Variants in IFI44 observed in about 807,000 individuals in gnomAD.
IFI44 encodes interferon induced protein 44.
Under a neutral mutation model 45.0 loss-of-function variants are expected in IFI44, and 42 were observed. The observed-to-expected ratio is 0.93, with a 90% confidence interval of 0.73 to 1.21. IFI44 has a LOEUF of 1.21. IFI44 is among the 50% of genes most tolerant of loss of function. IFI44 has a pLI of 0.00. For missense variants in IFI44, 623 were observed against 525.8 expected (o/e 1.18, Z -1.81); for synonymous variants, 221 against 188.6 (o/e 1.17, Z -1.41).
chr1:78,650,448 A>G lies in IFI44; in HGVS notation c.253A>G (p.Thr85Ala), dbSNP rs201689990. ...ASIILFALQD[T>A]KISEWKLGLC... is the part of the protein sequence containing the mutation. ...CATCATCCTTTTTGCACTTCAAGAT[A>G]CTAAAATTTCAGAATGGAAACTAGG... Residue 85 changes from threonine (T) to alanine (A), a missense_variant, in exon 2 of 9, where the codon ACT becomes GCT. By Grantham distance (58) the Thr-to-Ala change is moderately conservative (BLOSUM62 0). Coordinates refer to ENST00000370747, the MANE Select transcript of IFI44 (RefSeq NM_006417.5). 1.2e-6 allele frequency: 2 copies of G among 1,614,070 alleles called. No homozygotes were observed. The highest frequency in any genetic ancestry group is 1.7e-5 in the Admixed American group (1 of 60,026).
At chr1:78,655,621 C>T (rs897919218) in intron 5 of IFI44, 110 bp downstream of exon 5, 13 of 1,002,158 alleles carry the variant, frequency 1.3e-5, no homozygotes, top group Non-Finnish European at 1.8e-5. Flanking sequence ...TCCTTTGTCT[C>T]TTTTAGATTT....
chr1:78,654,936 A>C, intron 3 of IFI44, 78 bp from the exon 4 acceptor site: 2 of 1,117,076 alleles, frequency 1.8e-6, no homozygotes, highest in East Asian at 5.4e-5. Context: ...CTATGAAAAA[A>C]TGAATTCTCA....
chr1:78,663,828 C>T lies in IFI44; in HGVS notation c.*17C>T, dbSNP rs199896733. On this transcript the variant is annotated 3_prime_UTR_variant, in exon 9 of 9. Transcript: ENST00000370747. ...AAAAAATAGATATGTGAAAGGTTCACGTAAATTTCCTCACATCACAGAAGA... is the reference window on the plus strand; with the variant it reads ...AAAAAATAGATATGTGAAAGGTTCATGTAAATTTCCTCACATCACAGAAGA... 18 of 1,609,320 alleles carry T rather than the reference C, an allele frequency of 1.1e-5. No homozygotes were observed. Among genetic ancestry groups the T allele is most frequent in the Middle Eastern group, 1.7e-4 (1 of 6,042 alleles).
At chr1:78,660,695 T>C (rs534663509) in intron 7 of IFI44, 41 bp downstream of exon 7, 2 of 1,267,564 alleles carry the variant, frequency 1.6e-6, no homozygotes, top group Admixed American at 1.7e-5. Flanking sequence ...TTCTGGGGTA[T>C]GTTACTACAA....
chr1:78,662,415 G>GT (rs1008200590), intron 7 of IFI44, among the ~76,000 whole-genome samples: 2 of 152,128 alleles, frequency 1.3e-5, no homozygotes, highest in Non-Finnish European at 2.9e-5. Context: ...TCCAGAGAAT[G>GT]TTTTTTAAAA....
chr1:78,663,378 C>T (rs1647584605), intron 8 of IFI44: 1 of 985,158 alleles, frequency 1.0e-6, no homozygotes, highest in South Asian at 4.7e-5. Context: ...AGAGGTATGT[C>T]CTTTTATGTA....
At chr1:78,653,826 CCT>C (rs1647161427) in intron 2 of IFI44, among the ~76,000 whole-genome samples, 1 of 152,142 alleles carries the variant, frequency 6.6e-6, no homozygotes, top group Admixed American at 6.6e-5. Context: ...GCACATTATT[CCT>C]CTCAGACTTA....
At position 78,654,287 on chromosome 1, in the gene IFI44, A is replaced by C; in HGVS notation, c.494+8A>C. 1 of 1,414,646 alleles carries C rather than the reference A, an allele frequency of 7.1e-7. No individual in the cohort carries two copies. The highest frequency in any genetic ancestry group is 2.3e-5 in the East Asian group (1 of 43,734). The allele number at this position is 1,414,646 out of a possible 1,614,324, so 87.6% of individuals were successfully genotyped here. On this transcript the variant is annotated splice_region_variant and intron_variant, in intron 3 of 8. Transcript: ENST00000370747. Reference sequence around the variant, plus strand: ...GATAAAAGGGGTCATTGAGTAAGTCAATGTTTTTAAGATTCTATTACTCTC... The same window carrying C: ...GATAAAAGGGGTCATTGAGTAAGTCCATGTTTTTAAGATTCTATTACTCTC...
chr1:78,657,745 C>A (rs1380634807), intron 5 of IFI44, among the ~76,000 whole-genome samples: 1 of 152,002 alleles, frequency 6.6e-6, no homozygotes, highest in African/African-American at 2.4e-5. Flanking sequence ...ATCTCCTTCG[C>A]CTTTGCCAAT....
chr1:78,659,554 T>A, intron 6 of IFI44, 71 bp downstream of exon 6: 1 of 1,234,430 alleles, frequency 8.1e-7, no homozygotes, highest in Non-Finnish European at 1.1e-6. Flanking sequence ...TTTAGAATGC[T>A]TTTTGGACAG....
intron 3 of IFI44, 23 bp from the exon 4 acceptor site, chr1:78,654,991 T>G: frequency 6.6e-7 from 1 of 1,516,760 alleles, no homozygotes; most frequent in East Asian, 2.4e-5. Flanking sequence ...AGTCAATTGT[T>G]AAAAACGGTC....
At chr1:78,662,904 T>C in intron 8 of IFI44, 26 bp downstream of exon 8, 1 of 1,613,190 alleles carries the variant, frequency 6.2e-7, no homozygotes, top group Non-Finnish European at 8.5e-7. Flanking sequence ...GTGTGGAAGC[T>C]TGGAAGCGGT....
rs764197000 is a variant in IFI44, at chr1:78,660,600, G to T, written c.1059G>T (p.Leu353Phe). 1.9e-6 allele frequency: 3 copies of T among 1,613,792 alleles called. No individual in the cohort carries two copies. The Admixed American group carries it at 5.0e-5, about 27-fold the overall frequency. The change falls in exon 7 of 9, where the codon TTG (leucine) becomes TTT (phenylalanine). Residue 353 changes from leucine to phenylalanine, a missense_variant. Leu to Phe is a conservative substitution (Grantham distance 22). Transcript: ENST00000370747. ...TCACTCATGTGGATAGCATGGATTTGATTACAAAAGGTGACCTTATAGAAA... is the reference window on the plus strand; with the variant it reads ...TCACTCATGTGGATAGCATGGATTTTATTACAAAAGGTGACCTTATAGAAA... ...ALLTHVDSMD[L>F]ITKGDLIEIE...
At chr1:78,659,730 G>C (rs756545263) in intron 6 of IFI44, among the ~76,000 whole-genome samples, 1 of 152,160 alleles carries the variant, frequency 6.6e-6, no homozygotes, top group Non-Finnish European at 1.5e-5. Flanking sequence ...ACCTCTTAGA[G>C]ACTTTTTTGT....
At chr1:78,656,003 T>C (rs1462959231) in intron 5 of IFI44, among the ~76,000 whole-genome samples, 4 of 152,176 alleles carry the variant, frequency 2.6e-5, no homozygotes, top group Non-Finnish European at 5.9e-5. Flanking sequence ...ATGGGATTAG[T>C]GCTCTTATAT....
intron 7 of IFI44, 76 bp from the exon 8 acceptor site, chr1:78,662,628 T>C: frequency 8.6e-7 from 1 of 1,169,570 alleles, no homozygotes; most frequent in South Asian, 1.5e-5. Context: ...ATCTTGATAT[T>C]GCTTTCATAA....
At position 78,650,259 on chromosome 1, in the gene IFI44, A is replaced by C. The variant is rs548209725; in HGVS notation, c.64A>C (p.Lys22Gln). 1.9e-6 allele frequency: 3 copies of C among 1,612,164 alleles called. No homozygotes were observed. The highest frequency in any genetic ancestry group is 2.5e-6 in the Non-Finnish European group (3 of 1,178,424). Residue 22 changes from lysine (K) to glutamine (Q), a missense_variant, in exon 2 of 9, where the codon AAG becomes CAG. Lys to Gln is a moderately conservative substitution (Grantham distance 53). Transcript: ENST00000370747. Reference sequence around the variant, plus strand: ...GATCCTGCAAAATCATTTTGGAGGGAAGCGGCTTAGCCTTCTCTATAAGGG... The same window carrying C: ...GATCCTGCAAAATCATTTTGGAGGGCAGCGGCTTAGCCTTCTCTATAAGGG... ...EKILQNHFGG[K>Q]RLSLLYKGSV...
chr1:78,663,605 A>G (rs988632995), intron 8 of IFI44, 160 bp from the exon 9 acceptor site: 16 of 985,218 alleles, frequency 1.6e-5, no homozygotes, highest in Non-Finnish European at 1.8e-5. Flanking sequence ...TTGTTGCTCT[A>G]ACTCTGCCAT....
chr1:78,659,580 T>A, intron 6 of IFI44, 97 bp downstream of exon 6: 1 of 883,254 alleles, frequency 1.1e-6, no homozygotes, highest in East Asian at 2.7e-5. Flanking sequence ...AGAACTTAAG[T>A]CATTGCATAT....
Sources: gnomAD v4.1 joint callset for allele counts (sites outside exome capture counted in the v4.1 genomes callset) on GRCh38, gnomAD v4.1.1 for gene constraint, MANE v1.5 for transcripts, NCBI Gene and HGNC (gene_info 2026-07-23, HGNC 2026-07-21) for gene names.